Variants in CGAS observed in about 807,000 individuals in gnomAD.
CGAS encodes the protein cyclic GMP-AMP synthase.
CGAS carries 31 observed loss-of-function variants against 34.0 expected under a neutral mutation model. That is an observed-to-expected ratio of 0.91 (90% CI 0.69 to 1.23). The LOEUF (loss-of-function observed/expected upper bound fraction) is 1.23, where lower values mean the gene tolerates loss of function less well. CGAS is among the 50% of genes most tolerant of loss of function. The probability of loss-of-function intolerance (pLI) is 0.00; values close to 1 mark genes in which losing one functional copy is unlikely to be tolerated. For synonymous variants in CGAS, 266 were observed against 260.0 expected, an observed-to-expected ratio of 1.02 and a Z score of -0.22; for missense variants, 597 against 657.6, an observed-to-expected ratio of 0.91 and a Z score of 1.01.
chr6:73,433,278 TAC>T (rs1770222725), intron 3 of CGAS, among the ~76,000 whole-genome samples: 1 of 151,410 alleles, frequency 6.6e-6, no homozygotes. Flanking sequence ...TTTTTTTTAA[TAC>T]AGACAGTGTC....
At position 73,425,598 on chromosome 6, in the gene CGAS, A is replaced by G. The variant is rs530044652; in HGVS notation, c.1218-20T>C. ...TCTTTCCTGTTGAATAAAAAAGGAAAACACTTATTTTTACTTATTTACATT... is the reference window on the plus strand; with the variant it reads ...TCTTTCCTGTTGAATAAAAAAGGAAGACACTTATTTTTACTTATTTACATT... On this transcript the variant is annotated intron_variant, in intron 4 of 4. Coordinates refer to ENST00000370315, the MANE Select transcript of CGAS (RefSeq NM_138441.3). 7 of 1,493,114 alleles carry G rather than the reference A, an allele frequency of 4.7e-6. No homozygotes were observed. The highest frequency in any genetic ancestry group is 6.4e-6 in the Non-Finnish European group (7 of 1,098,944). The allele number at this position is 1,493,114 out of a possible 1,614,324, so 92.5% of individuals were successfully genotyped here.
At chr6:73,442,217 T>A (rs1770390591) in intron 2 of CGAS, among the ~76,000 whole-genome samples, 1 of 151,972 alleles carries the variant, frequency 6.6e-6, no homozygotes, top group Non-Finnish European at 1.5e-5. Context: ...AGTCTCTGGA[T>A]CCCTTCCTTC....
At chr6:73,450,108 A>C (rs1262446649) in intron 1 of CGAS, among the ~76,000 whole-genome samples, 3 of 150,832 alleles carry the variant, frequency 2.0e-5, no homozygotes, top group African/African-American at 7.3e-5. Context: ...AGAGAAGAGA[A>C]GAGAAGAGAA....
intron 2 of CGAS, among the ~76,000 whole-genome samples, chr6:73,441,477 G>T (rs577807751): frequency 4.6e-5 from 7 of 152,318 alleles, no homozygotes; most frequent in Non-Finnish European, 8.8e-5. Flanking sequence ...TTGAGGCTAC[G>T]ATGTGAGGAG....
intron 3 of CGAS, among the ~76,000 whole-genome samples, chr6:73,429,931 AT>A (rs910290294): frequency 6.6e-6 from 1 of 152,126 alleles, no homozygotes; most frequent in Non-Finnish European, 1.5e-5. Context: ...GTAGTTTATA[AT>A]CTGAATGATT....
chr6:73,452,015 T>C lies in CGAS; in HGVS notation c.167A>G (p.Lys56Arg). The change falls in exon 1 of 5, where the codon AAG (lysine) becomes AGG (arginine). Residue 56 changes from lysine (K) to arginine (R), a missense_variant. By Grantham distance (26) the Lys-to-Arg change is conservative. Around this residue, in one of 3 missense-constraint regions of CGAS, gnomAD observed 321 missense variants for 314.3 expected, o/e 1.02. Transcript: ENST00000370315. ...GCTCTTTTTCTGCCGGGATCCCGAC[T>C]TCCTGGCGGGGCCGAACTTTCCCGC... ...PKAGKFGPAR[K>R]SGSRQKKSAP... 1 of 1,482,898 alleles carries C rather than the reference T, an allele frequency of 6.7e-7. No individual in the cohort carries two copies. The highest frequency in any genetic ancestry group is 9.0e-7 in the Non-Finnish European group (1 of 1,114,482). The allele number at this position is 1,482,898 out of a possible 1,614,324, so 91.9% of individuals were successfully genotyped here.
chr6:73,430,473 G>A (rs1770176944), intron 3 of CGAS, among the ~76,000 whole-genome samples: 1 of 152,024 alleles, frequency 6.6e-6, no homozygotes, highest in Admixed American at 6.6e-5. Flanking sequence ...TAGCCAGTGT[G>A]GTGGCGTGTG....
At chr6:73,435,062 T>C (rs1770259458) in intron 3 of CGAS, among the ~76,000 whole-genome samples, 1 of 152,124 alleles carries the variant, frequency 6.6e-6, no homozygotes, top group African/African-American at 2.4e-5. Flanking sequence ...GTGGCACGTG[T>C]CTGTAGTCCC....
chr6:73,447,165 C>T (rs1004459673), intron 1 of CGAS, among the ~76,000 whole-genome samples: 9 of 152,154 alleles, frequency 5.9e-5, no homozygotes, highest in Non-Finnish European at 1.2e-4. Context: ...AAAATGAACA[C>T]GATATAGTTG....
chr6:73,433,550 G>A (rs1249453656), intron 3 of CGAS, among the ~76,000 whole-genome samples: 3 of 150,980 alleles, frequency 2.0e-5, no homozygotes, highest in Non-Finnish European at 2.9e-5. Flanking sequence ...GTGCAATGGC[G>A]TGATCTTGGC....
chr6:73,439,945 C>G (rs1770346996), intron 3 of CGAS: 1 of 372,716 alleles, frequency 2.7e-6, no homozygotes, highest in African/African-American at 2.1e-5. Context: ...ACTCCAAGGC[C>G]AATACTGCTT....
In CGAS at chr6:73,425,502, T is replaced by C; in HGVS notation, c.1294A>G (p.Lys432Glu). 6.2e-7 allele frequency: 1 copy of C among 1,613,320 alleles called. No homozygotes were observed. Among genetic ancestry groups the C allele is most frequent in the Non-Finnish European group, 8.5e-7 (1 of 1,179,818 alleles). Reference protein sequence around the residue: ...ERFKDKKHLDKFSSYHVKTAF... With the variant: ...ERFKDKKHLDEFSSYHVKTAF... ...GTTTTCACATGATAAGAAGAGAATT[T>C]ATCCAGATGTTTTTTGTCTTTAAAC... The change falls in exon 5 of 5, where the codon AAA becomes GAA. Residue 432 changes from lysine (K) to glutamate (E), a missense_variant. Coordinates refer to ENST00000370315, the MANE Select transcript of CGAS (RefSeq NM_138441.3).
intron 3 of CGAS, among the ~76,000 whole-genome samples, chr6:73,437,382 T>A (rs980236312): frequency 6.6e-6 from 1 of 152,174 alleles, no homozygotes; most frequent in Admixed American, 6.6e-5. Context: ...TAAAAACAGA[T>A]AACATAATGA....
chr6:73,444,132 G>A (rs377573990), intron 2 of CGAS, among the ~76,000 whole-genome samples: 215 of 151,918 alleles, frequency 1.4e-3, no homozygotes, highest in African/African-American at 4.9e-3. Context: ...TGGGATTACA[G>A]GCATCCACCA....
At chr6:73,450,929 G>T (rs1211880324) in intron 1 of CGAS, among the ~76,000 whole-genome samples, 1 of 149,964 alleles carries the variant, frequency 6.7e-6, no homozygotes, top group Non-Finnish European at 1.5e-5. Context: ...GGCGGAGCTT[G>T]CAGTGAGCCG....
chr6:73,433,513 G>A (rs143600939), intron 3 of CGAS, among the ~76,000 whole-genome samples: 3,294 of 148,824 alleles, frequency 0.022, 128 homozygotes, highest in African/African-American at 0.078. Context: ...TTTTTGAGAC[G>A]GAGTCTCTCT....
chr6:73,450,220 C>T (rs550897832), intron 1 of CGAS, among the ~76,000 whole-genome samples: 136 of 151,728 alleles, frequency 9.0e-4, no homozygotes, highest in Non-Finnish European at 1.5e-3. Flanking sequence ...AGTTCTAGAC[C>T]AGCCTGACCA....
chr6:73,438,238 T>C (rs1392661047), intron 3 of CGAS, among the ~76,000 whole-genome samples: 7 of 152,176 alleles, frequency 4.6e-5, no homozygotes, highest in African/African-American at 1.7e-4. Flanking sequence ...GTCCCTCTGT[T>C]CACATACACT....
rs1005621996 is a variant in CGAS, at chr6:73,429,260, A to G, written c.1115-449T>C. ...CTTAGGAGTGAATCAAAAGAAGTGA[A>G]CAGATAAATAATTATGTATAAAAAT... On this transcript the variant is annotated intron_variant, in intron 3 of 4. Transcript: ENST00000370315. Among the ~76,000 whole-genome samples the G allele has an allele frequency of 4.6e-5, 7 of 152,114 alleles. No individual in the cohort carries two copies. The South Asian group carries it at 1.4e-3, about 31-fold the overall frequency.
Sources: allele counts gnomAD v4.1 joint callset (sites outside exome capture counted in the v4.1 genomes callset), GRCh38; gene constraint gnomAD v4.1.1; regional missense constraint gnomAD v4.1.1; transcripts MANE v1.5; gene names NCBI Gene and HGNC (gene_info 2026-07-23, HGNC 2026-07-21).